The following NT5C2 variants were observed in gnomAD, a reference collection of about 807,000 sequenced individuals.
NT5C2 encodes the protein cytosolic purine 5'-nucleotidase.
A neutral mutation model predicts 76.1 loss-of-function variants in NT5C2; 58 were observed. The observed-to-expected ratio is 0.76, with a 90% CI of 0.62 to 0.95. NT5C2 has a LOEUF of 0.95. Ranked by LOEUF, NT5C2 falls within the 40% of genes least tolerant of loss-of-function variation. The probability of loss-of-function intolerance (pLI) is 0.00; values close to 1 mark genes in which losing one functional copy is unlikely to be tolerated. For synonymous variants in NT5C2, 229 were observed against 237.4 expected (o/e 0.96, Z 0.32); for missense variants, 478 against 690.3 (o/e 0.69, Z 3.45).
chr10:103,151,933 A>T (rs959582352), intron 3 of NT5C2, among the ~76,000 whole-genome samples: 2 of 149,754 alleles, frequency 1.3e-5, no homozygotes, highest in Non-Finnish European at 3.0e-5. Context: ...AGATAAACCT[A>T]AAAAAAAAAT....
chr10:103,181,509 C>T (rs2091076254), intron 1 of NT5C2, among the ~76,000 whole-genome samples, 181 bp from the exon 2 acceptor site: 1 of 152,110 alleles, frequency 6.6e-6, no homozygotes, highest in Non-Finnish European at 1.5e-5. Flanking sequence ...GCAATCTGCA[C>T]TGAATATTCT....
intron 2 of NT5C2, among the ~76,000 whole-genome samples, chr10:103,180,823 T>A (rs552970157): frequency 3.3e-5 from 5 of 152,134 alleles, no homozygotes; most frequent in African/African-American, 1.2e-4. Flanking sequence ...ATAAAAAAAA[T>A]TATGGTACAT....
intron 2 of NT5C2, among the ~76,000 whole-genome samples, chr10:103,176,995 CTTTTT>C (rs964449640): frequency 3.4e-5 from 5 of 145,954 alleles, no homozygotes; most frequent in Non-Finnish European, 7.6e-5. Context: ...CAGATTTGTA[CTTTTT>C]TTTTTTAAGC....
rs1421379442 is a variant in NT5C2, at chr10:103,089,795, C to G, written c.1563G>C (p.Arg521=). The G allele has an allele frequency of 1.2e-6, 2 of 1,614,020 alleles. No homozygotes were observed. Among genetic ancestry groups the G allele is most frequent in the Admixed American group, 3.3e-5 (2 of 60,024 alleles). Residue 521 remains arginine (R), a synonymous_variant, in exon 19 of 19, where the codon CGG becomes CGC. Transcript: ENST00000404739. ...SVDFKDTDYK[R]HQLTRSISEI... ...CACTAATTGACCGTGTCAGCTGGTG[C>G]CGCTTGTAGTCAGTGTCTTTGAAAT... is the stretch of plus-strand genomic sequence containing the variant.
At chr10:103,121,882 T>C (rs2135715543) in intron 4 of NT5C2, among the ~76,000 whole-genome samples, 1 of 152,286 alleles carries the variant, frequency 6.6e-6, no homozygotes, top group Middle Eastern at 3.4e-3. Flanking sequence ...TATTTAATTT[T>C]AGAATTCTCG....
intron 18 of NT5C2, 128 bp downstream of exon 18, chr10:103,090,483 A>G: frequency 1.3e-6 from 1 of 775,846 alleles, no homozygotes; most frequent in Non-Finnish European, 2.0e-6. Context: ...ATGCAACCAT[A>G]TAACCTGCCC....
chr10:103,118,648 A>G (rs2074960831), intron 4 of NT5C2, among the ~76,000 whole-genome samples: 1 of 152,124 alleles, frequency 6.6e-6, no homozygotes, highest in Non-Finnish European at 1.5e-5. Flanking sequence ...ATAAGCCACC[A>G]TGCCTGGACA....
chr10:103,167,887 G>A (rs1390644232), intron 3 of NT5C2, among the ~76,000 whole-genome samples: 1 of 152,088 alleles, frequency 6.6e-6, no homozygotes. Context: ...ACCCGCCTGG[G>A]TCTCCCAAAG....
At chr10:103,129,400 G>A (rs1202789261) in intron 4 of NT5C2, among the ~76,000 whole-genome samples, 150 of 109,138 alleles carry the variant, frequency 1.4e-3, no homozygotes, top group Non-Finnish European at 2.1e-3. Context: ...GGTGAGGGGC[G>A]CCTCTGCCCG....
At chr10:103,159,303 A>G (rs2084231724) in intron 3 of NT5C2, among the ~76,000 whole-genome samples, 1 of 151,370 alleles carries the variant, frequency 6.6e-6, no homozygotes, top group East Asian at 1.9e-4. Context: ...AATTAGAGCT[A>G]ATAAACAAGT....
intron 4 of NT5C2, among the ~76,000 whole-genome samples, chr10:103,124,662 T>TA (rs1565074725): frequency 6.6e-6 from 1 of 151,748 alleles, no homozygotes. Flanking sequence ...CCCCACCTTT[T>TA]AAAAAAATTA....
At chr10:103,136,340 G>T (rs886534316) in intron 4 of NT5C2, among the ~76,000 whole-genome samples, 15 of 152,196 alleles carry the variant, frequency 9.9e-5, no homozygotes, top group African/African-American at 3.1e-4. Flanking sequence ...TATGTAAAAT[G>T]GAGATGATAG....
intron 3 of NT5C2, among the ~76,000 whole-genome samples, chr10:103,172,791 C>T (rs1429378229): frequency 1.3e-5 from 2 of 151,990 alleles, no homozygotes; most frequent in Non-Finnish European, 2.9e-5. Context: ...GCTGAGATCG[C>T]ATCACTGCAT....
intron 4 of NT5C2, chr10:103,125,244 G>T: frequency 1.3e-6 from 1 of 750,240 alleles, no homozygotes; most frequent in Non-Finnish European, 2.2e-6. Context: ...CCAGCTCTGT[G>T]ATCATCAATG....
chr10:103,136,335 A>G (rs945928232), intron 4 of NT5C2, among the ~76,000 whole-genome samples: 9 of 152,256 alleles, frequency 5.9e-5, no homozygotes, highest in African/African-American at 2.2e-4. Flanking sequence ...AGTCATATGT[A>G]AAATGGAGAT....
At chr10:103,139,090 T>C (rs1355619795) in intron 4 of NT5C2, among the ~76,000 whole-genome samples, 5 of 152,142 alleles carry the variant, frequency 3.3e-5, no homozygotes, top group African/African-American at 1.2e-4. Context: ...ACCTAAAGAA[T>C]GGCTAAGAGT....
At chr10:103,094,831 G>T (rs1170319011) in intron 12 of NT5C2, among the ~76,000 whole-genome samples, 1 of 147,324 alleles carries the variant, frequency 6.8e-6, no homozygotes, top group Non-Finnish European at 1.5e-5. Context: ...GCAGTGAGCC[G>T]AGATCGTGCC....
At position 103,154,716 on chromosome 10, in the gene NT5C2, G is replaced by C. The variant is rs1224883826; in HGVS notation, c.102-15237C>G. The stretch of plus-strand genomic sequence containing the variant: ...AAAAGCAACTGGATTATCAGGCATT[G>C]CCTCATTAATATATCTCATGGGAAA... On this transcript the variant is annotated intron_variant, in intron 3 of 18. Coordinates refer to ENST00000404739, the MANE Select transcript of NT5C2 (RefSeq NM_001351169.2). Among the ~76,000 whole-genome samples the C allele has an allele frequency of 2.0e-5, 3 of 152,266 alleles. No individual in the cohort carries two copies. In the East Asian group the frequency reaches 5.8e-4, roughly 29 times the overall value.
intron 3 of NT5C2, among the ~76,000 whole-genome samples, chr10:103,163,347 A>C (rs2085410031): frequency 6.6e-6 from 1 of 152,170 alleles, no homozygotes. Context: ...CTTGATAAGA[A>C]ACTGCCAAAC....
Sources: allele counts gnomAD v4.1 joint callset (sites outside exome capture counted in the v4.1 genomes callset), GRCh38; gene constraint gnomAD v4.1.1; transcripts MANE v1.5; gene names NCBI Gene and HGNC (gene_info 2026-07-23, HGNC 2026-07-21).